The following RCAN2 variants were observed in gnomAD, a reference collection of about 807,000 sequenced individuals.
The protein encoded by RCAN2 is calcipressin-2.
In RCAN2, 9 loss-of-function variants were observed where a neutral mutation model predicts 23.6. The observed-to-expected ratio is 0.38, with a 90% CI of 0.23 to 0.67. The LOEUF is 0.67. RCAN2 is among the 30% of genes least tolerant of loss of function. The pLI is 0.51. For synonymous variants in RCAN2, 109 were observed against 115.7 expected (o/e 0.94, Z 0.37); for missense variants, 273 against 302.3 (o/e 0.90, Z 0.72).
chr6:46,374,766 A>C (rs1279532005), intron 2 of RCAN2, among the ~76,000 whole-genome samples: 1 of 152,244 alleles, frequency 6.6e-6, no homozygotes, highest in East Asian at 1.9e-4. Flanking sequence ...ATTTGTAAGC[A>C]TACAATTTGG....
intron 2 of RCAN2, among the ~76,000 whole-genome samples, chr6:46,271,303 CGACAGTATAAT>C (rs1167317528): frequency 6.6e-6 from 1 of 152,104 alleles, no homozygotes; most frequent in Non-Finnish European, 1.5e-5. Context: ...TCCAGTCTAA[CGACAGTATAAT>C]GACAGACTTC....
At chr6:46,431,802 C>T (rs918509669) in intron 2 of RCAN2, among the ~76,000 whole-genome samples, 21 of 152,264 alleles carry the variant, frequency 1.4e-4, no homozygotes, top group African/African-American at 3.6e-4. Flanking sequence ...TATTATCTGA[C>T]GATTAACAAT....
chr6:46,423,906 C>T (rs549813010), intron 2 of RCAN2, among the ~76,000 whole-genome samples: 16 of 152,280 alleles, frequency 1.1e-4, no homozygotes, highest in Admixed American at 9.8e-4. Context: ...ATCACATCAG[C>T]CCTCTTGTCT....
chr6:46,298,837 G>A (rs1762809168), intron 2 of RCAN2, among the ~76,000 whole-genome samples: 1 of 152,088 alleles, frequency 6.6e-6, no homozygotes, highest in East Asian at 1.9e-4. Context: ...ATTTGCAATA[G>A]CAAAGACACG....
intron 2 of RCAN2, among the ~76,000 whole-genome samples, chr6:46,322,863 A>G (rs1763660899): frequency 6.6e-6 from 1 of 152,192 alleles, no homozygotes; most frequent in Non-Finnish European, 1.5e-5. Flanking sequence ...TTTACGTTTG[A>G]ACCTTTCTTC....
At position 46,415,725 on chromosome 6, in the gene RCAN2, G is replaced by A. The variant is rs576781212; in HGVS notation, c.225+41027C>T. Among the ~76,000 whole-genome samples, 84 of 152,154 alleles carry A rather than the reference G, an allele frequency of 5.5e-4. 1 individual carries two copies. The highest frequency in any genetic ancestry group is 1.3e-3 in the African/African-American group (56 of 41,500). On this transcript the variant is annotated intron_variant, in intron 2 of 4. Transcript: ENST00000371374. ...AAAAAAAAATTAATAAATAAACTAGGGTGATGCCCAGTCATAGAAGTTCAA... is the reference window on the plus strand; with the variant it reads ...AAAAAAAAATTAATAAATAAACTAGAGTGATGCCCAGTCATAGAAGTTCAA...
At position 46,227,954 on chromosome 6, in the gene RCAN2, C is replaced by A. The variant is rs567223494; in HGVS notation, c.572-4653G>T. Among the ~76,000 whole-genome samples, 864 of 152,262 alleles carry A rather than the reference C, an allele frequency of 5.7e-3. 8 individuals carry two copies. Among genetic ancestry groups the A allele is most frequent in the African/African-American group, 0.02 (824 of 41,552 alleles). ...TCTACACACTGCTTTAAATGTGTCC[C>A]AGAGATTCTGGTATGTTGTGTCTTT... On this transcript the variant is annotated intron_variant, in intron 4 of 4. Transcript: ENST00000371374.
At chr6:46,397,143 G>A (rs1766114168) in intron 2 of RCAN2, among the ~76,000 whole-genome samples, 1 of 152,052 alleles carries the variant, frequency 6.6e-6, no homozygotes, top group Non-Finnish European at 1.5e-5. Context: ...TAGAACATAT[G>A]TCTGAAGTTA....
chr6:46,351,996 C>T (rs1475262291), intron 2 of RCAN2, among the ~76,000 whole-genome samples: 2 of 152,180 alleles, frequency 1.3e-5, no homozygotes, highest in South Asian at 2.1e-4. Flanking sequence ...CAAAGACACG[C>T]ACCTTTAAAA....
At chr6:46,412,639 T>C (rs962207643) in intron 2 of RCAN2, among the ~76,000 whole-genome samples, 1 of 152,020 alleles carries the variant, frequency 6.6e-6, no homozygotes, top group Non-Finnish European at 1.5e-5. Context: ...GAGAAGGAAG[T>C]AGTGGTCAAT....
rs1389786594 is a variant in RCAN2 at position 46,223,216 on chromosome 6, C to T, written c.657G>A (p.Glu219=). The T allele has an allele frequency of 6.2e-7, 1 of 1,613,986 alleles. No homozygotes were observed. Among genetic ancestry groups the T allele is most frequent in the South Asian group, 1.1e-5 (1 of 91,060 alleles). Reference sequence around the variant, plus strand: ...TTGGCTTTGGGGAAGTCTTTGGGTCCTCTTCTTCCTCTATGTCACTGTCGC... The same window carrying T: ...TTGGCTTTGGGGAAGTCTTTGGGTCTTCTTCTTCCTCTATGTCACTGTCGC... ...HVCDSDIEEE[E]DPKTSPKPKI... Residue 219 remains glutamate, a synonymous_variant, in exon 5 of 5, where the codon GAG becomes GAA. Transcript: ENST00000371374.
chr6:46,240,188 C>T (rs1182147088), intron 4 of RCAN2, among the ~76,000 whole-genome samples: 1 of 152,166 alleles, frequency 6.6e-6, no homozygotes. Flanking sequence ...ACTGTGAGGA[C>T]ACACAAATGC....
chr6:46,346,709 T>G (rs1449677525), intron 2 of RCAN2, among the ~76,000 whole-genome samples: 1 of 152,038 alleles, frequency 6.6e-6, no homozygotes, highest in Non-Finnish European at 1.5e-5. Context: ...TGCATCAAAA[T>G]ATTAATAGTA....
chr6:46,444,302 GGGCAGCACA>G (rs1412564269), intron 2 of RCAN2, among the ~76,000 whole-genome samples: 13 of 152,246 alleles, frequency 8.5e-5, no homozygotes, highest in Middle Eastern at 3.4e-3. Context: ...GAAGGGCTGT[GGGCAGCACA>G]GGCAGGTCAA....
chr6:46,410,194 G>T lies in RCAN2; in HGVS notation c.225+46558C>A, dbSNP rs183579370. On this transcript the variant is annotated intron_variant, in intron 2 of 4. Transcript: ENST00000371374. Reference sequence around the variant, plus strand: ...TAAAAGTTATACCATTAGTTTCCCTGGTTCTGGGGCCTTCTGACTTGAACT... The same window carrying T: ...TAAAAGTTATACCATTAGTTTCCCTTGTTCTGGGGCCTTCTGACTTGAACT... Among the ~76,000 whole-genome samples the T allele has an allele frequency of 5.5e-3, 839 of 152,210 alleles. 10 individuals are homozygous for T. Among genetic ancestry groups the T allele is most frequent in the Non-Finnish European group, 7.7e-3 (524 of 67,994 alleles).
At chr6:46,272,093 T>C (rs980179502) in intron 2 of RCAN2, among the ~76,000 whole-genome samples, 1 of 152,248 alleles carries the variant, frequency 6.6e-6, no homozygotes, top group Non-Finnish European at 1.5e-5. Flanking sequence ...ACTCAGCTAG[T>C]GACAGTATAG....
intron 2 of RCAN2, among the ~76,000 whole-genome samples, chr6:46,354,070 C>T (rs907840092): frequency 3.9e-5 from 6 of 152,226 alleles, no homozygotes; most frequent in African/African-American, 1.2e-4. Context: ...TACAGTTTTC[C>T]AGGAGTTAAG....
intron 2 of RCAN2, among the ~76,000 whole-genome samples, chr6:46,299,120 G>A (rs115782771): frequency 0.011 from 1,686 of 152,050 alleles, 34 homozygotes; most frequent in African/African-American, 0.035. Context: ...AGAATAGGAG[G>A]GGGTTAGAAA....
chr6:46,360,229 G>A (rs1764964559), intron 2 of RCAN2, among the ~76,000 whole-genome samples: 1 of 152,054 alleles, frequency 6.6e-6, no homozygotes, highest in Non-Finnish European at 1.5e-5. Flanking sequence ...AAGAGACCTG[G>A]GTTTAAAGAG....
Sources: gnomAD v4.1 joint callset for allele counts (sites outside exome capture counted in the v4.1 genomes callset) on GRCh38, gnomAD v4.1.1 for gene constraint, MANE v1.5 for transcripts, NCBI Gene and HGNC (gene_info 2026-07-23, HGNC 2026-07-21) for gene names.